Variants in EP300 observed in about 807,000 individuals in gnomAD.
EP300 encodes EP300 lysine acetyltransferase.
In EP300, 31 loss-of-function variants were observed where a neutral mutation model predicts 264.0. The observed-to-expected ratio is 0.12, with a 90% confidence interval of 0.09 to 0.16. The LOEUF is 0.16. Ranked by LOEUF, EP300 falls within the 10% of genes least tolerant of loss-of-function variation. The pLI is 1.00. For synonymous variants in EP300, 1,340 were observed against 1,045.4 expected (o/e 1.28, Z -5.44); for missense variants, 2,766 against 3,052.9 (o/e 0.91, Z 2.21).
intron 30 of EP300, 94 bp from the exon 31 acceptor site, chr22:41,176,679 C>A (rs1247569076): frequency 2.5e-6 from 4 of 1,612,040 alleles, no homozygotes; most frequent in Middle Eastern, 1.7e-4. Flanking sequence ...TTTTGTTCTA[C>A]GAAAGGGGCT....
At chr22:41,138,042 ATATAT>A (rs2058961964) in intron 8 of EP300, among the ~76,000 whole-genome samples, 1 of 152,208 alleles carries the variant, frequency 6.6e-6, no homozygotes, top group South Asian at 2.1e-4. Flanking sequence ...ACAGTAAATA[ATATAT>A]TAAACATTGT....
intron 1 of EP300, among the ~76,000 whole-genome samples, chr22:41,115,778 A>T (rs923230835): frequency 2.0e-5 from 3 of 152,108 alleles, no homozygotes; most frequent in African/African-American, 7.2e-5. Flanking sequence ...GTTGTACCCT[A>T]TTCTGGCTAG....
At chr22:41,125,112 CTTTTTTTTTT>C (rs930135062) in intron 2 of EP300, among the ~76,000 whole-genome samples, 1 of 80,348 alleles carries the variant, frequency 1.2e-5, no homozygotes, top group Non-Finnish European at 2.3e-5. Context: ...CTTTTCTTTC[CTTTTTTTTTT>C]TTTTTTTTTT....
At chr22:41,111,781 C>T (rs1327618428) in intron 1 of EP300, among the ~76,000 whole-genome samples, 1 of 151,650 alleles carries the variant, frequency 6.6e-6, no homozygotes, top group Non-Finnish European at 1.5e-5. Flanking sequence ...CTCAGGTGAA[C>T]GCCTGCCTTG....
At chr22:41,115,134 G>C (rs970091390) in intron 1 of EP300, among the ~76,000 whole-genome samples, 1 of 152,122 alleles carries the variant, frequency 6.6e-6, no homozygotes, top group Non-Finnish European at 1.5e-5. Context: ...AACTACTTTA[G>C]AGAATTGAAA....
chr22:41,093,304 C>T (rs2058684359), intron 1 of EP300, among the ~76,000 whole-genome samples: 1 of 152,202 alleles, frequency 6.6e-6, no homozygotes, highest in Non-Finnish European at 1.5e-5. Context: ...AACACTATGT[C>T]ATATCGGTGT....
intron 10 of EP300, among the ~76,000 whole-genome samples, chr22:41,142,917 C>T (rs1293325039): frequency 1.3e-5 from 2 of 151,784 alleles, no homozygotes; most frequent in East Asian, 2.0e-4. Flanking sequence ...ACCTGAGATA[C>T]TTGGTTTTGG....
At chr22:41,170,041 T>G (rs1011806773) in intron 26 of EP300, among the ~76,000 whole-genome samples, 1 of 152,366 alleles carries the variant, frequency 6.6e-6, no homozygotes, top group East Asian at 1.9e-4. Flanking sequence ...CTGAACAGTG[T>G]GCCTTTTAAT....
intron 8 of EP300, among the ~76,000 whole-genome samples, chr22:41,139,733 T>C (rs1025456537): frequency 4.6e-5 from 7 of 152,212 alleles, no homozygotes; most frequent in Admixed American, 4.6e-4. Flanking sequence ...TCAGAACAGT[T>C]CAAGTTTTTG....
In EP300 at chr22:41,169,048, G is replaced by A. The variant is rs141835255; in HGVS notation, c.4172+181G>A. 1.9e-4 allele frequency: 146 copies of A among 752,608 alleles called. No homozygotes were observed. The African/African-American group carries it at 2.1e-3, about 11-fold the overall frequency. The allele number at this position is 752,608 out of a possible 1,614,324, so 46.6% of individuals were successfully genotyped here. ...AAGCAAACCCCCAAACAAAATAACC[G>A]CTCAATACTGCTCTTCTGTGGTCAT... On this transcript the variant is annotated intron_variant, in intron 25 of 30. Coordinates refer to ENST00000263253, the MANE Select transcript of EP300 (RefSeq NM_001429.4).
At chr22:41,172,705 T>G (rs1389638519) in intron 28 of EP300, 42 bp downstream of exon 28, 4 of 1,586,762 alleles carry the variant, frequency 2.5e-6, no homozygotes, top group Non-Finnish European at 2.6e-6. Context: ...ATCATGATTC[T>G]AATATTTAAT....
intron 27 of EP300, among the ~76,000 whole-genome samples, chr22:41,171,436 A>G (rs1466552356): frequency 1.3e-5 from 2 of 152,214 alleles, no homozygotes; most frequent in East Asian, 3.9e-4. Context: ...TCCCAGGCTC[A>G]AGCCATCCTC....
Position 41,176,240 on chromosome 22 carries a change from T to C in EP300, c.4780-7T>C, listed in dbSNP as rs2145511972. The C allele has an allele frequency of 1.9e-6, 3 of 1,613,942 alleles. No individual in the cohort carries two copies. Among genetic ancestry groups the C allele is most frequent in the Non-Finnish European group, 2.5e-6 (3 of 1,179,936 alleles). ...GTCTCAAAAAAAAGAGACTGTCTGT[T>C]TTTCAGGTCTTCTTTGTGATCCGCC... On this transcript the variant is annotated splice_region_variant and splice_polypyrimidine_tract_variant and intron_variant, in intron 29 of 30. Coordinates refer to ENST00000263253, the MANE Select transcript of EP300 (RefSeq NM_001429.4).
chr22:41,137,579 A>G, intron 7 of EP300, 74 bp from the exon 8 acceptor site: 1 of 1,574,364 alleles, frequency 6.4e-7, no homozygotes, highest in South Asian at 1.1e-5. Flanking sequence ...TACAATAATC[A>G]GTGTCAGCTT....
At chr22:41,149,628 C>T (rs2059031524) in intron 13 of EP300, 133 bp from the exon 14 acceptor site, 2 of 960,274 alleles carry the variant, frequency 2.1e-6, no homozygotes, top group Non-Finnish European at 3.2e-6. Flanking sequence ...GGGTATTTTA[C>T]ACATTTTGAA....
intron 16 of EP300, 23 bp from the exon 17 acceptor site, chr22:41,154,972 C>G (rs754974709): frequency 6.6e-7 from 1 of 1,512,846 alleles, no homozygotes; most frequent in Non-Finnish European, 9.2e-7. Flanking sequence ...TAACTAATTT[C>G]AAATGCACTT....
chr22:41,093,136 A>T (rs1202738450), intron 1 of EP300, 38 bp downstream of exon 1: 3 of 1,592,166 alleles, frequency 1.9e-6, no homozygotes, highest in Non-Finnish European at 2.6e-6. Context: ...CGTTCCCTTT[A>T]ATCTTTTCTA....
At chr22:41,150,668 C>T (rs2059038855) in intron 14 of EP300, among the ~76,000 whole-genome samples, 1 of 151,976 alleles carries the variant, frequency 6.6e-6, no homozygotes, top group South Asian at 2.1e-4. Context: ...GCAGGCAGAT[C>T]ACTTGAGGTC....
At chr22:41,100,769 C>T (rs532757230) in intron 1 of EP300, among the ~76,000 whole-genome samples, 5 of 152,194 alleles carry the variant, frequency 3.3e-5, no homozygotes, top group Admixed American at 6.6e-5. Context: ...ACTGGAGCAT[C>T]CTCAGATTTT....
Sources: allele counts gnomAD v4.1 joint callset (sites outside exome capture counted in the v4.1 genomes callset), GRCh38; gene constraint gnomAD v4.1.1; transcripts MANE v1.5; gene names NCBI Gene and HGNC (gene_info 2026-07-23, HGNC 2026-07-21).